INPP5F: variants seen among roughly 807,000 people sequenced by gnomAD.
The protein encoded by INPP5F is phosphatidylinositide 4-phosphatase SAC2.
A neutral mutation model predicts 137.2 loss-of-function variants in INPP5F; 97 were observed. That is an observed-to-expected ratio of 0.71 (90% CI 0.60 to 0.84). The LOEUF (loss-of-function observed/expected upper bound fraction) is 0.84, where lower values mean the gene tolerates loss of function less well. INPP5F is among the 40% of genes least tolerant of loss of function. The probability of loss-of-function intolerance (pLI) is 0.00; values close to 1 mark genes in which losing one functional copy is unlikely to be tolerated. For synonymous variants in INPP5F, 504 were observed against 476.9 expected (o/e 1.06, Z -0.74); for missense variants, 1,271 against 1,371.9 (o/e 0.93, Z 1.16).
Position 119,781,788 on chromosome 10 carries a change from G to T in INPP5F, c.315+17G>T. The stretch of plus-strand genomic sequence containing the variant: ...GAGCTAGAGGTAGGTGAAATAAAGG[G>T]AAATTATATGGAAACCTGATATAAA... On this transcript the variant is annotated intron_variant, in intron 3 of 19. Coordinates refer to ENST00000650623, the MANE Select transcript of INPP5F (RefSeq NM_014937.4). The T allele has an allele frequency of 6.4e-7, 1 of 1,572,142 alleles. No homozygotes were observed. Among genetic ancestry groups the T allele is most frequent in the Non-Finnish European group, 8.7e-7 (1 of 1,151,456 alleles).
Position 119,829,064 on chromosome 10 carries a change from T to C in INPP5F, c.*1284T>C, listed in dbSNP as rs1490994999. 1.3e-5 allele frequency: 2 copies of C among 152,662 alleles called. No homozygotes were observed. The highest frequency in any genetic ancestry group is 6.5e-5 in the Admixed American group (1 of 15,286). 9.5% of individuals were successfully genotyped at this position (152,662 alleles called of 1,614,324 possible). A position where few individuals can be genotyped will look rare whatever the true frequency, so the allele number is the denominator to read the frequency against. On this transcript the variant is annotated 3_prime_UTR_variant, in exon 20 of 20. Coordinates refer to ENST00000650623, the MANE Select transcript of INPP5F (RefSeq NM_014937.4). ...CGTTACTTTGATAAGCATTCCACTT[T>C]TGTTATTTATTAGTGCTATCTTTTT... is the stretch of plus-strand genomic sequence containing the variant.
rs766441801 is a variant in INPP5F at position 119,827,726 on chromosome 10, A to G, written c.3345A>G (p.Gln1115=). The G allele has an allele frequency of 2.5e-6, 4 of 1,613,552 alleles. No individual in the cohort carries two copies. In the African/African-American group the frequency reaches 4.0e-5, roughly 16 times the overall value. ...PEPEIINQVQ[Q]NELKKMFIQC... ...CTGAAATCATTAATCAAGTCCAGCAAAATGAACTTAAAAAGATGTTTATAC... is the reference window on the plus strand; with the variant it reads ...CTGAAATCATTAATCAAGTCCAGCAGAATGAACTTAAAAAGATGTTTATAC... The change falls in exon 20 of 20, where the codon CAA becomes CAG. Residue 1115 remains glutamine, a synonymous_variant. Coordinates refer to ENST00000650623, the MANE Select transcript of INPP5F (RefSeq NM_014937.4).
In INPP5F at chr10:119,796,718, C is replaced by T. The variant is rs1363547838; in HGVS notation, c.673C>T (p.Pro225Ser). ...MIQDLTEIGT[P>S]DVDFWIIPMI... The stretch of plus-strand genomic sequence containing the variant: ...ATCATGTTCATTTTGTTTTCAGACT[C>T]CAGATGTGGACTTTTGGATTATCCC... Residue 225 changes from proline to serine, a missense_variant, in exon 7 of 20, where the codon CCA becomes TCA. By Grantham distance (74) the Pro-to-Ser change is moderately conservative. Around this residue, in one of 6 missense-constraint regions of INPP5F, gnomAD observed 593 missense variants for 712.4 expected, o/e 0.83. Coordinates refer to ENST00000650623, the MANE Select transcript of INPP5F (RefSeq NM_014937.4). The T allele has an allele frequency of 1.3e-5, 21 of 1,612,972 alleles. No homozygotes were observed. Among genetic ancestry groups the T allele is most frequent in the Non-Finnish European group, 1.8e-5 (21 of 1,179,066 alleles).
At position 119,726,074 on chromosome 10, in the gene INPP5F, C is replaced by T; in HGVS notation, c.-189C>T. 1 of 368,428 alleles carries T rather than the reference C, an allele frequency of 2.7e-6. No homozygotes were observed. The highest frequency in any genetic ancestry group is 4.5e-5 in the East Asian group (1 of 22,398). The allele number at this position is 368,428 out of a possible 1,614,324, so 22.8% of individuals were successfully genotyped here. ...GGAGAGGCCTCTACGGCCGCCGCTGCCGCCGCCGCTGCCGGGGCGCGTTCT... is the reference window on the plus strand; with the variant it reads ...GGAGAGGCCTCTACGGCCGCCGCTGTCGCCGCCGCTGCCGGGGCGCGTTCT... On this transcript the variant is annotated 5_prime_UTR_variant, in exon 1 of 20. Transcript: ENST00000650623.
At chr10:119,811,624 TC>T in intron 14 of INPP5F, 132 bp from the exon 15 acceptor site, 1 of 688,620 alleles carries the variant, frequency 1.5e-6, no homozygotes. Context: ...TCATGCCTAA[TC>T]CAAGGTTACA....
At chr10:119,805,503 C>A in intron 11 of INPP5F, 42 bp downstream of exon 11, 1 of 1,332,646 alleles carries the variant, frequency 7.5e-7, no homozygotes, top group Non-Finnish European at 1.1e-6. Context: ...ACTCTGGGAT[C>A]TGTAAAATAG....
chr10:119,736,730 G>A (rs996458639), intron 1 of INPP5F, among the ~76,000 whole-genome samples: 2 of 152,212 alleles, frequency 1.3e-5, no homozygotes, highest in African/African-American at 4.8e-5. Flanking sequence ...TTTGGATATT[G>A]TAGAGTTTAA....
chr10:119,790,873 C>T (rs1038405660), intron 3 of INPP5F, among the ~76,000 whole-genome samples: 26 of 152,246 alleles, frequency 1.7e-4, no homozygotes, highest in African/African-American at 4.6e-4. Context: ...GCCGTATTCA[C>T]GCTCCCACGC....
intron 2 of INPP5F, among the ~76,000 whole-genome samples, chr10:119,771,843 G>GATATAT (rs1564819539): frequency 1.3e-3 from 52 of 40,850 alleles, no homozygotes; most frequent in Non-Finnish European, 1.8e-3. Flanking sequence ...ATAAAGTATG[G>GATATAT]AGATATATAT....
At chr10:119,814,595 ACT>A (rs1851189064) in intron 15 of INPP5F, 1 of 151,888 alleles carries the variant, frequency 6.6e-6, no homozygotes, top group South Asian at 2.1e-4. Context: ...GCAGCTGCCC[ACT>A]CTCCTTCATG....
intron 1 of INPP5F, among the ~76,000 whole-genome samples, chr10:119,750,277 T>C (rs184469944): frequency 3.9e-5 from 6 of 152,368 alleles, no homozygotes; most frequent in African/African-American, 1.2e-4. Flanking sequence ...AAGACAAATA[T>C]TGTTTTCATT....
At chr10:119,826,043 A>T (rs61867955) in intron 19 of INPP5F, 26,011 of 398,456 alleles carry the variant, frequency 0.065, 1,347 homozygotes, top group South Asian at 0.27. Context: ...ATATAAGAAA[A>T]TGGAAGTCTT....
chr10:119,770,291 C>G (rs764355256), intron 2 of INPP5F, among the ~76,000 whole-genome samples: 3 of 151,856 alleles, frequency 2.0e-5, no homozygotes, highest in Non-Finnish European at 4.4e-5. Context: ...TTTTTTATTC[C>G]TTGTTATACT....
At chr10:119,795,468 T>C (rs1384848251) in intron 6 of INPP5F, among the ~76,000 whole-genome samples, 1 of 141,808 alleles carries the variant, frequency 7.1e-6, no homozygotes, top group Non-Finnish European at 1.5e-5. Flanking sequence ...GCTCCCCACC[T>C]CTCAGACGAT....
intron 1 of INPP5F, among the ~76,000 whole-genome samples, chr10:119,750,775 T>G (rs1848668970): frequency 6.6e-6 from 1 of 152,202 alleles, no homozygotes. Flanking sequence ...TTTGTCCTCT[T>G]GTAGTGTAAT....
chr10:119,736,071 T>C (rs1192457285), intron 1 of INPP5F, among the ~76,000 whole-genome samples: 1 of 152,232 alleles, frequency 6.6e-6, no homozygotes, highest in African/African-American at 2.4e-5. Context: ...TCTTAGCTCA[T>C]CTGTGCTTTG....
chr10:119,726,869 T>C lies in INPP5F; in HGVS notation c.97+510T>C, dbSNP rs75554243. On this transcript the variant is annotated intron_variant, in intron 1 of 19. Coordinates refer to ENST00000650623, the MANE Select transcript of INPP5F (RefSeq NM_014937.4). ...CTTATTATTAAAGGTGTGACTTTAC[T>C]GTGGTTACCTCATAGGCACTCGGTT... Among the ~76,000 whole-genome samples, 741 of 152,384 alleles carry C rather than the reference T, an allele frequency of 4.9e-3. 6 individuals carry two copies. Among genetic ancestry groups the C allele is most frequent in the African/African-American group, 0.017 (697 of 41,596 alleles).
At chr10:119,766,442 C>G (rs1411519067) in intron 2 of INPP5F, among the ~76,000 whole-genome samples, 1 of 152,060 alleles carries the variant, frequency 6.6e-6, no homozygotes, top group Non-Finnish European at 1.5e-5. Context: ...CTGTTTCTGA[C>G]AACAGCAGTA....
intron 15 of INPP5F, among the ~76,000 whole-genome samples, chr10:119,818,100 G>A (rs1851358199): frequency 6.6e-6 from 1 of 152,240 alleles, no homozygotes; most frequent in Admixed American, 6.5e-5. Flanking sequence ...GCCTGTCCTG[G>A]CCCTTCTCCC....
Sources: allele counts gnomAD v4.1 joint callset (sites outside exome capture counted in the v4.1 genomes callset), GRCh38; gene constraint gnomAD v4.1.1; regional missense constraint gnomAD v4.1.1; transcripts MANE v1.5; gene names NCBI Gene and HGNC (gene_info 2026-07-23, HGNC 2026-07-21).